The following AK5 variants were observed in gnomAD, a reference collection of about 807,000 sequenced individuals.
The protein encoded by AK5 is adenylate kinase isoenzyme 5.
A neutral mutation model predicts 69.5 loss-of-function variants in AK5; 27 were observed. The ratio of observed to expected loss-of-function variants is 0.39; its 90% CI spans 0.29 to 0.54. The LOEUF (loss-of-function observed/expected upper bound fraction) is 0.54. AK5 is among the 20% of genes least tolerant of loss of function. The pLI is 0.71. For missense variants in AK5, 531 were observed against 700.4 expected, an observed-to-expected ratio of 0.76 and a Z score of 2.73; for synonymous variants, 260 against 244.4, an observed-to-expected ratio of 1.06 and a Z score of -0.60.
chr1:77,399,812 C>T (rs1035175752), intron 6 of AK5, among the ~76,000 whole-genome samples: 7 of 152,166 alleles, frequency 4.6e-5, no homozygotes, highest in Non-Finnish European at 1.0e-4. Context: ...GGGTTATTTG[C>T]AAAGAGGTTT....
At chr1:77,511,312 G>T (rs976162301) in intron 10 of AK5, among the ~76,000 whole-genome samples, 8 of 152,068 alleles carry the variant, frequency 5.3e-5, no homozygotes, top group Non-Finnish European at 2.9e-5. Flanking sequence ...CAAAAAAGAG[G>T]GTATCAAGTT....
chr1:77,415,896 C>T (rs1031874449), intron 7 of AK5, among the ~76,000 whole-genome samples: 6 of 152,186 alleles, frequency 3.9e-5, no homozygotes, highest in African/African-American at 1.4e-4. Flanking sequence ...TTTTTAACTT[C>T]TCTGCATCTC....
chr1:77,476,090 C>A (rs916378092), intron 8 of AK5, among the ~76,000 whole-genome samples: 17 of 152,080 alleles, frequency 1.1e-4, no homozygotes, highest in Admixed American at 3.3e-4. Flanking sequence ...AGAGAAACTG[C>A]AATTTAATAC....
At chr1:77,294,177 A>G (rs186165723) in intron 3 of AK5, among the ~76,000 whole-genome samples, 3 of 152,360 alleles carry the variant, frequency 2.0e-5, no homozygotes, top group Admixed American at 2.0e-4. Flanking sequence ...GCATTTTCAT[A>G]GATTCCCAAT....
chr1:77,457,678 G>A (rs913134987), intron 8 of AK5, among the ~76,000 whole-genome samples: 1 of 151,802 alleles, frequency 6.6e-6, no homozygotes, highest in Non-Finnish European at 1.5e-5. Flanking sequence ...CATTATTTTT[G>A]TTTCCTTTGG....
chr1:77,368,236 TATATA>T (rs1288261995), intron 6 of AK5, among the ~76,000 whole-genome samples: 2 of 35,910 alleles, frequency 5.6e-5, no homozygotes, highest in African/African-American at 8.1e-5. Context: ...TATATATATA[TATATA>T]TATATATATA....
intron 8 of AK5, among the ~76,000 whole-genome samples, chr1:77,475,712 A>G (rs1362884486): frequency 6.6e-6 from 1 of 151,532 alleles, no homozygotes; most frequent in African/African-American, 2.4e-5. Context: ...TAGAAAACAA[A>G]GAGGTAAAGG....
rs551274502 is a variant in AK5, at chr1:77,301,062, G to C, written c.699+3115G>C. 7.9e-5 allele frequency among the ~76,000 whole-genome samples: 12 copies of C among 152,296 alleles called. No homozygotes were observed. The South Asian group carries it at 2.5e-3, about 32-fold the overall frequency. On this transcript the variant is annotated intron_variant, in intron 5 of 13. Transcript: ENST00000354567. ...AATTTCTGGTATCAGCCATATATGG[G>C]TGATGGTCAGACCACTGTAACAAAA...
chr1:77,449,067 C>T (rs1044285300), intron 8 of AK5, among the ~76,000 whole-genome samples: 4 of 152,170 alleles, frequency 2.6e-5, no homozygotes, highest in African/African-American at 9.7e-5. Context: ...GGGGTCAGAG[C>T]CCCTACACAG....
chr1:77,383,451 A>G (rs1390787784), intron 6 of AK5, among the ~76,000 whole-genome samples: 1 of 152,194 alleles, frequency 6.6e-6, no homozygotes, highest in Non-Finnish European at 1.5e-5. Flanking sequence ...ATGTGTGATG[A>G]TCTAGAAAAT....
chr1:77,439,347 T>C (rs1354654039), intron 8 of AK5, among the ~76,000 whole-genome samples: 1 of 152,196 alleles, frequency 6.6e-6, no homozygotes, highest in Non-Finnish European at 1.5e-5. Context: ...ACGCATACAA[T>C]GTGTAATGAT....
intron 12 of AK5, among the ~76,000 whole-genome samples, chr1:77,528,907 C>G (rs912834849): frequency 6.6e-6 from 1 of 151,624 alleles, no homozygotes; most frequent in Non-Finnish European, 1.5e-5. Flanking sequence ...TTCTCCTCTT[C>G]TACAAAATGT....
At chr1:77,390,359 A>G (rs945102289) in intron 6 of AK5, among the ~76,000 whole-genome samples, 1 of 152,226 alleles carries the variant, frequency 6.6e-6, no homozygotes, top group African/African-American at 2.4e-5. Context: ...TTTTTACTAG[A>G]GCACATATTT....
At position 77,558,643 on chromosome 1, in the gene AK5, C is replaced by T. The variant is rs780631293; in HGVS notation, c.1662C>T (p.Leu554=). 6.3e-7 allele frequency: 1 copy of T among 1,576,534 alleles called. No individual in the cohort carries two copies. The highest frequency in any genetic ancestry group is 8.6e-7 in the Non-Finnish European group (1 of 1,157,688). The change falls in exon 14 of 14, where the codon CTC becomes CTT. Residue 554 remains leucine, a synonymous_variant. Transcript: ENST00000354567. The stretch of plus-strand genomic sequence containing the variant: ...CACCAGAGGACGTTTTTCTTCAACT[C>T]TGCACAGCTATTGACTCTATTTTCT... ...EGTPEDVFLQ[L]CTAIDSIF
At chr1:77,350,113 T>C (rs1310254592) in intron 6 of AK5, among the ~76,000 whole-genome samples, 1 of 152,222 alleles carries the variant, frequency 6.6e-6, no homozygotes, top group African/African-American at 2.4e-5. Flanking sequence ...AGCCAGATCC[T>C]GTCTTCAGGG....
chr1:77,364,387 A>G (rs1347527980), intron 6 of AK5, among the ~76,000 whole-genome samples: 1 of 152,192 alleles, frequency 6.6e-6, no homozygotes, highest in Non-Finnish European at 1.5e-5. Context: ...AACATTAACT[A>G]TCTTCCTTCT....
At chr1:77,489,008 T>C (rs1398823128) in intron 10 of AK5, among the ~76,000 whole-genome samples, 1 of 152,228 alleles carries the variant, frequency 6.6e-6, no homozygotes, top group Non-Finnish European at 1.5e-5. Flanking sequence ...GTATGTTTTG[T>C]GGTGGTTGTT....
chr1:77,432,067 C>G (rs143782996), intron 8 of AK5, among the ~76,000 whole-genome samples: 221 of 152,304 alleles, frequency 1.5e-3, no homozygotes, highest in Non-Finnish European at 2.6e-3. Flanking sequence ...CCTTTATGGC[C>G]TTCCCAAGCA....
intron 10 of AK5, among the ~76,000 whole-genome samples, chr1:77,498,401 T>C (rs951432029): frequency 2.6e-5 from 4 of 152,170 alleles, no homozygotes; most frequent in African/African-American, 9.7e-5. Flanking sequence ...AAAGTGAATA[T>C]TCAGGGTGGA....
Sources: gnomAD v4.1 joint callset for allele counts (sites outside exome capture counted in the v4.1 genomes callset) on GRCh38, gnomAD v4.1.1 for gene constraint, MANE v1.5 for transcripts, NCBI Gene and HGNC (gene_info 2026-07-23, HGNC 2026-07-21) for gene names.